C10orf90: variants seen among roughly 807,000 people sequenced by gnomAD.
C10orf90 encodes (E2-independent) E3 ubiquitin-conjugating enzyme FATS.
In C10orf90, 56 loss-of-function variants were observed where a neutral mutation model predicts 62.5. The ratio of observed to expected loss-of-function variants is 0.90; its 90% confidence interval spans 0.72 to 1.12. The LOEUF is 1.12. C10orf90 is among the 50% of genes most tolerant of loss of function. C10orf90 has a pLI of 0.00. For synonymous variants in C10orf90, 386 were observed against 340.4 expected, an observed-to-expected ratio of 1.13 and a Z score of -1.47; for missense variants, 970 against 880.4, an observed-to-expected ratio of 1.10 and a Z score of -1.29.
intron 2 of C10orf90, among the ~76,000 whole-genome samples, chr10:126,545,708 T>C (rs1003480207): frequency 5.3e-5 from 8 of 152,184 alleles, no homozygotes; most frequent in Non-Finnish European, 8.8e-5. Flanking sequence ...ATATAACTCT[T>C]GTTTTCACAC....
At chr10:126,632,083 C>G (rs745992935) in intron 2 of C10orf90, among the ~76,000 whole-genome samples, 4 of 152,050 alleles carry the variant, frequency 2.6e-5, no homozygotes, top group Non-Finnish European at 5.9e-5. Flanking sequence ...AGAATGACCT[C>G]GAAGAGACAC....
chr10:126,425,261 T>G lies in C10orf90; in HGVS notation c.*603A>C, dbSNP rs1590867978. 1 of 151,804 alleles carries G rather than the reference T, an allele frequency of 6.6e-6. No individual in the cohort carries two copies. The highest frequency in any genetic ancestry group is 2.1e-4 in the South Asian group (1 of 4,796). The allele number at this position is 151,804 out of a possible 1,614,324, so 9.4% of individuals were successfully genotyped here. A position where few individuals can be genotyped will look rare whatever the true frequency, so the allele number is the denominator to read the frequency against. On this transcript the variant is annotated 3_prime_UTR_variant, in exon 10 of 10. Transcript: ENST00000488181. ...TTCTCTGGTGAGGAATGGGGCGGGG[T>G]GACTGAGGGCCCTCTGACTGCTCCA...
At chr10:126,546,207 C>T (rs939571309) in intron 2 of C10orf90, among the ~76,000 whole-genome samples, 2 of 152,226 alleles carry the variant, frequency 1.3e-5, no homozygotes, top group Non-Finnish European at 2.9e-5. Flanking sequence ...CTACTCCAGC[C>T]AAACCCCACA....
At chr10:126,473,469 G>A (rs1290224528) in intron 4 of C10orf90, among the ~76,000 whole-genome samples, 1 of 152,180 alleles carries the variant, frequency 6.6e-6, no homozygotes, top group African/African-American at 2.4e-5. Context: ...TGTGAGAACT[G>A]AACAGGTCTT....
Position 126,459,213 on chromosome 10 carries a change from G to A in C10orf90, c.2015C>T (p.Ala672Val), listed in dbSNP as rs201846193. The part of the protein sequence containing the change: ...TPARSLTLQE[A>V]LEVRKPQFIS... ...GAACTGAGGCTTACGAACTTCCAGT[G>A]CTTCCTATGCAAAGCAAAGAAAATA... Residue 672 changes from alanine to valine, a missense_variant, in exon 7 of 10, where the codon GCA becomes GTA. By Grantham distance (64) the Ala-to-Val change is moderately conservative. Transcript: ENST00000488181. 1.1e-4 allele frequency: 177 copies of A among 1,613,646 alleles called. No homozygotes were observed. Among genetic ancestry groups the A allele is most frequent in the Middle Eastern group, 1.6e-4 (1 of 6,084 alleles).
At chr10:126,580,547 G>T (rs1166770361) in intron 2 of C10orf90, among the ~76,000 whole-genome samples, 1 of 151,894 alleles carries the variant, frequency 6.6e-6, no homozygotes, top group Non-Finnish European at 1.5e-5. Flanking sequence ...CAGCTACTCG[G>T]GAGGCTGAGG....
Position 126,529,681 on chromosome 10 carries a change from A to T in C10orf90, c.314-15742T>A, listed in dbSNP as rs1864042009. ...AAATGACAATAAGAGACCATTCCGC[A>T]TCTACCCAGATTGGCAAAAAATCAG... On this transcript the variant is annotated intron_variant, in intron 2 of 9. Coordinates refer to ENST00000488181, the MANE Select transcript of C10orf90 (RefSeq NM_001350921.2). Among the ~76,000 whole-genome samples the T allele has an allele frequency of 2.0e-5, 3 of 152,200 alleles. No homozygotes were observed. In the South Asian group the frequency reaches 6.2e-4, roughly 32 times the overall value.
intron 1 of C10orf90, among the ~76,000 whole-genome samples, chr10:126,661,545 A>G (rs1846511857): frequency 6.6e-6 from 1 of 152,168 alleles, no homozygotes; most frequent in Non-Finnish European, 1.5e-5. Context: ...AAATGTGGAT[A>G]TGGTTTCCCC....
chr10:126,565,231 T>TTATGTAATATAATTTTTATATTACATAA (rs1844333421), intron 2 of C10orf90, among the ~76,000 whole-genome samples: 1 of 33,028 alleles, frequency 3.0e-5, no homozygotes, highest in African/African-American at 9.7e-5. Context: ...ATATTACATA[T>TTATGTAATATAATTTTTATATTACATAA]TATGTAATAT....
At chr10:126,666,958 CGACA>C (rs1285403302) in intron 1 of C10orf90, among the ~76,000 whole-genome samples, 1 of 149,160 alleles carries the variant, frequency 6.7e-6, no homozygotes, top group Non-Finnish European at 1.5e-5. Context: ...CCAGCCTGGG[CGACA>C]GAGTGAGACC....
At position 126,497,380 on chromosome 10, in the gene C10orf90, T is replaced by C. The variant is rs952414588; in HGVS notation, c.1534+6577A>G. 3.3e-5 allele frequency among the ~76,000 whole-genome samples: 5 copies of C among 152,054 alleles called. No individual in the cohort carries two copies. In the East Asian group the frequency reaches 9.7e-4, roughly 29 times the overall value. On this transcript the variant is annotated intron_variant, in intron 4 of 9. Coordinates refer to ENST00000488181, the MANE Select transcript of C10orf90 (RefSeq NM_001350921.2). Reference sequence around the variant, plus strand: ...AGAGAGTCAGAGCGAGACGGGATGGTATTGGTCAGAAAAGGTGAAGAGCAA... The same window carrying C: ...AGAGAGTCAGAGCGAGACGGGATGGCATTGGTCAGAAAAGGTGAAGAGCAA...
At chr10:126,573,019 C>G (rs1844538273) in intron 2 of C10orf90, among the ~76,000 whole-genome samples, 1 of 152,202 alleles carries the variant, frequency 6.6e-6, no homozygotes, top group African/African-American at 2.4e-5. Context: ...CACTTTGTGG[C>G]AGGACGAGCC....
chr10:126,463,555 C>A (rs542720349), intron 5 of C10orf90, among the ~76,000 whole-genome samples: 2 of 152,222 alleles, frequency 1.3e-5, no homozygotes, highest in Non-Finnish European at 2.9e-5. Flanking sequence ...ACAACCCTTG[C>A]GCCCTGGCCC....
At chr10:126,505,122 C>T in intron 3 of C10orf90, 37 bp from the exon 4 acceptor site, 1 of 1,567,666 alleles carries the variant, frequency 6.4e-7, no homozygotes, top group Non-Finnish European at 8.6e-7. Context: ...TTCAAGCAGT[C>T]TATTGAAATA....
intron 7 of C10orf90, among the ~76,000 whole-genome samples, chr10:126,457,766 T>A (rs886889286): frequency 3.3e-5 from 5 of 152,298 alleles, no homozygotes; most frequent in Middle Eastern, 3.4e-3. Context: ...GTGCTGGCTT[T>A]GGTCCTCACA....
chr10:126,484,647 G>T (rs1199377441), intron 4 of C10orf90, among the ~76,000 whole-genome samples: 2 of 152,074 alleles, frequency 1.3e-5, no homozygotes, highest in Admixed American at 6.5e-5. Context: ...ACTTTTTAAG[G>T]CAATTAGTAA....
chr10:126,624,871 C>T (rs1845712493), intron 2 of C10orf90, among the ~76,000 whole-genome samples: 1 of 152,174 alleles, frequency 6.6e-6, no homozygotes, highest in Admixed American at 6.5e-5. Flanking sequence ...TTAAGGCCTA[C>T]ACAGAACGTG....
chr10:126,570,947 C>A (rs1047285434), intron 2 of C10orf90, among the ~76,000 whole-genome samples: 3 of 152,222 alleles, frequency 2.0e-5, no homozygotes, highest in Admixed American at 6.5e-5. Context: ...ATGCTCCCTG[C>A]TGCAGCATCT....
intron 2 of C10orf90, among the ~76,000 whole-genome samples, chr10:126,548,067 A>C (rs1864542841): frequency 6.6e-6 from 1 of 151,430 alleles, no homozygotes; most frequent in South Asian, 2.1e-4. Context: ...AAACAGAAAA[A>C]AAAATCTACA....
Sources: allele counts gnomAD v4.1 joint callset (sites outside exome capture counted in the v4.1 genomes callset), GRCh38; gene constraint gnomAD v4.1.1; transcripts MANE v1.5; gene names NCBI Gene and HGNC (gene_info 2026-07-23, HGNC 2026-07-21).